PSTPIP2: variants seen among roughly 807,000 people sequenced by gnomAD.
The protein encoded by PSTPIP2 is proline-serine-threonine phosphatase interacting protein 2, also known as proline-serine-threonine phosphatase-interacting protein 2.
In PSTPIP2, 33 loss-of-function variants were observed where a neutral mutation model predicts 63.3. That is an observed-to-expected ratio of 0.52 (90% CI 0.40 to 0.70). The LOEUF (loss-of-function observed/expected upper bound fraction) is 0.70, where lower values mean the gene tolerates loss of function less well. PSTPIP2 is among the 30% of genes least tolerant of loss of function. The probability of loss-of-function intolerance (pLI) is 0.00; values close to 1 mark genes in which losing one functional copy is unlikely to be tolerated. For missense variants in PSTPIP2, 312 were observed against 400.7 expected, an observed-to-expected ratio of 0.78 and a Z score of 1.89; for synonymous variants, 125 against 132.7, an observed-to-expected ratio of 0.94 and a Z score of 0.40.
chr18:46,039,328 C>A (rs973435766), intron 2 of PSTPIP2, among the ~76,000 whole-genome samples: 5 of 152,106 alleles, frequency 3.3e-5, no homozygotes, highest in Non-Finnish European at 7.4e-5. Context: ...CCATGCCCTG[C>A]CACCCCCAGG....
chr18:46,034,424 G>A (rs2144105579), intron 2 of PSTPIP2, among the ~76,000 whole-genome samples: 1 of 152,270 alleles, frequency 6.6e-6, no homozygotes, highest in African/African-American at 2.4e-5. Context: ...CCATCAGACA[G>A]GAAGTCAGCA....
At chr18:46,028,540 G>A (rs1398806740) in intron 2 of PSTPIP2, 5 of 682,848 alleles carry the variant, frequency 7.3e-6, no homozygotes, top group Admixed American at 1.8e-5. Context: ...CGTCTGCGGG[G>A]TCCGTGGGTT....
intron 6 of PSTPIP2, among the ~76,000 whole-genome samples, chr18:46,001,514 G>A (rs944191265): frequency 5.3e-5 from 8 of 151,948 alleles, no homozygotes; most frequent in Non-Finnish European, 1.2e-4. Context: ...CTTGTCAGAT[G>A]AATAATTTGC....
At chr18:46,064,062 G>T (rs1295644193) in intron 1 of PSTPIP2, among the ~76,000 whole-genome samples, 1 of 152,102 alleles carries the variant, frequency 6.6e-6, no homozygotes, top group Non-Finnish European at 1.5e-5. Context: ...CAGGAGTGTG[G>T]GTCCTCACCC....
chr18:46,049,788 G>A (rs1035083530), intron 1 of PSTPIP2, among the ~76,000 whole-genome samples: 10 of 152,186 alleles, frequency 6.6e-5, no homozygotes, highest in South Asian at 6.2e-4. Flanking sequence ...GCTGAGGCAC[G>A]AGAATCACTT....
intron 3 of PSTPIP2, among the ~76,000 whole-genome samples, chr18:46,023,635 C>T (rs1907464083): frequency 6.6e-6 from 1 of 151,854 alleles, no homozygotes; most frequent in African/African-American, 2.4e-5. Context: ...GTATAATTTT[C>T]TATTTTATAT....
chr18:46,005,523 G>A lies in PSTPIP2; in HGVS notation c.363C>T (p.Leu121=). ...TTTGTTTATGGATAGCATCCATTAT[G>A]AGCTCTGTCTGTAAAGAGATCATAA... is the stretch of plus-strand genomic sequence containing the variant. ...KQKLQRKKTE[L]IMDAIHKQKS... Residue 121 remains leucine, a synonymous_variant, in exon 6 of 15, where the codon CTC becomes CTT. Coordinates refer to ENST00000409746, the MANE Select transcript of PSTPIP2 (RefSeq NM_024430.4). The A allele has an allele frequency of 1.9e-6, 3 of 1,593,382 alleles. No individual in the cohort carries two copies. Among genetic ancestry groups the A allele is most frequent in the South Asian group, 2.2e-5 (2 of 89,590 alleles).
intron 14 of PSTPIP2, among the ~76,000 whole-genome samples, chr18:45,986,936 C>T (rs886910224): frequency 2.6e-5 from 4 of 152,166 alleles, no homozygotes; most frequent in Admixed American, 2.0e-4. Flanking sequence ...CTCCTGGGTT[C>T]GAGTGATTCT....
chr18:46,061,575 G>C (rs1044438323), intron 1 of PSTPIP2, among the ~76,000 whole-genome samples: 1 of 152,126 alleles, frequency 6.6e-6, no homozygotes, highest in African/African-American at 2.4e-5. Flanking sequence ...CACTCTTATG[G>C]GCAGGAACTA....
At chr18:46,012,410 T>C (rs1192032787) in intron 4 of PSTPIP2, among the ~76,000 whole-genome samples, 2 of 152,186 alleles carry the variant, frequency 1.3e-5, no homozygotes, top group Non-Finnish European at 2.9e-5. Flanking sequence ...TAAAACAAAC[T>C]ATAGAGAGAG....
intron 2 of PSTPIP2, 48 bp downstream of exon 2, chr18:46,039,899 G>A: frequency 6.8e-7 from 1 of 1,465,658 alleles, no homozygotes; most frequent in East Asian, 2.3e-5. Context: ...TGTCTGTGTG[G>A]AGACATCTTG....
At chr18:46,046,037 T>C (rs1160370482) in intron 1 of PSTPIP2, among the ~76,000 whole-genome samples, 1 of 152,226 alleles carries the variant, frequency 6.6e-6, no homozygotes, top group Non-Finnish European at 1.5e-5. Context: ...CAGAACAGAA[T>C]AGAATGCAGA....
At chr18:46,044,271 T>C (rs959831580) in intron 1 of PSTPIP2, among the ~76,000 whole-genome samples, 11 of 152,292 alleles carry the variant, frequency 7.2e-5, no homozygotes, top group Admixed American at 7.2e-4. Context: ...ACTACAAGGC[T>C]ACAGTAACCA....
chr18:46,005,561 A>C (rs757271230), intron 5 of PSTPIP2, 30 bp from the exon 6 acceptor site: 1 of 1,467,984 alleles, frequency 6.8e-7, no homozygotes, highest in East Asian at 2.3e-5. Context: ...ACTCTTAATA[A>C]AAACACAAAT....
intron 1 of PSTPIP2, among the ~76,000 whole-genome samples, chr18:46,054,663 AT>A (rs567708908): frequency 2.5e-3 from 351 of 141,914 alleles, no homozygotes; most frequent in South Asian, 3.4e-3. Context: ...AAACCTACTA[AT>A]TTTTTTTTTT....
intron 13 of PSTPIP2, among the ~76,000 whole-genome samples, chr18:45,989,024 A>C (rs1171655246): frequency 2.0e-5 from 3 of 152,256 alleles, no homozygotes; most frequent in Non-Finnish European, 4.4e-5. Context: ...AAAAATGGAC[A>C]GAAATAGCAT....
intron 2 of PSTPIP2, among the ~76,000 whole-genome samples, chr18:46,026,949 G>C (rs1024933865): frequency 1.3e-5 from 2 of 152,044 alleles, no homozygotes; most frequent in African/African-American, 2.4e-5. Flanking sequence ...CTTTCTGCAG[G>C]TATACAAATA....
rs149907143 is a variant in PSTPIP2, at chr18:45,997,791, C to T, written c.600G>A (p.Lys200=). Residue 200 remains lysine, a synonymous_variant, in exon 9 of 15, where the codon AAG becomes AAA. Transcript: ENST00000409746. The part of the protein sequence containing the change: ...AYMLHIGTLD[K]VREEWQSEHI... ...GCTCACTCTGCCACTCTTCTCGGAC[C>T]TTATCCAGGGTGCCGATGTGCAGCA... The T allele has an allele frequency of 1.3e-5, 20 of 1,576,840 alleles. No homozygotes were observed. The highest frequency in any genetic ancestry group is 1.7e-5 in the Non-Finnish European group (20 of 1,159,740).
intron 3 of PSTPIP2, among the ~76,000 whole-genome samples, chr18:46,020,012 T>C (rs1907287723): frequency 1.3e-5 from 2 of 152,134 alleles, no homozygotes. Context: ...CTGTCCCAAG[T>C]TTAAAATTTT....
Sources: gnomAD v4.1 joint callset for allele counts (sites outside exome capture counted in the v4.1 genomes callset) on GRCh38, gnomAD v4.1.1 for gene constraint, MANE v1.5 for transcripts, NCBI Gene and HGNC (gene_info 2026-07-23, HGNC 2026-07-21) for gene names.